PARVA: variants seen among roughly 807,000 people sequenced by gnomAD.
The protein encoded by PARVA is parvin alpha.
A neutral mutation model predicts 52.6 loss-of-function variants in PARVA; 25 were observed. The observed-to-expected ratio is 0.48, with a 90% CI of 0.35 to 0.66. The LOEUF (loss-of-function observed/expected upper bound fraction) is 0.66, where lower values mean the gene tolerates loss of function less well. Ranked by LOEUF, PARVA falls within the 30% of genes least tolerant of loss-of-function variation. The pLI is 0.01. For missense variants in PARVA, 373 were observed against 450.9 expected, an observed-to-expected ratio of 0.83 and a Z score of 1.56; for synonymous variants, 185 against 179.1, an observed-to-expected ratio of 1.03 and a Z score of -0.26.
At position 12,460,139 on chromosome 11, in the gene PARVA, A is replaced by T. The variant is rs77873802; in HGVS notation, c.137-13606A>T. Among the ~76,000 whole-genome samples, 10 of 152,320 alleles carry T rather than the reference A, an allele frequency of 6.6e-5. 1 individual carries two copies. In the East Asian group the frequency reaches 1.5e-3, roughly 23 times the overall value. ...GTATTTTCAGGCCTTTTTTAGAGAT[A>T]TGCATTGTGTTTGGGGAGCACTTCC... On this transcript the variant is annotated intron_variant, in intron 1 of 12. Transcript: ENST00000334956.
Position 12,533,161 on chromosome 11 carries a change from A to G in PARVA, c.*5236A>G, listed in dbSNP as rs1019256318. Among the ~76,000 whole-genome samples the G allele has an allele frequency of 2.0e-5, 3 of 152,120 alleles. No homozygotes were observed. Among genetic ancestry groups the G allele is most frequent in the Admixed American group, 1.3e-4 (2 of 15,276 alleles). On this transcript the variant is annotated 3_prime_UTR_variant, in exon 13 of 13. Transcript: ENST00000334956. Reference sequence around the variant, plus strand: ...CTGGACTACCCCCAGCCTCTCCACAATGTGTCCTGAGAAGAGCTAGGGGAA... The same window carrying G: ...CTGGACTACCCCCAGCCTCTCCACAGTGTGTCCTGAGAAGAGCTAGGGGAA...
chr11:12,445,370 A>G (rs1431609022), intron 1 of PARVA, among the ~76,000 whole-genome samples: 4 of 152,154 alleles, frequency 2.6e-5, no homozygotes, highest in East Asian at 3.9e-4. Flanking sequence ...GACAAGGCCA[A>G]TGACCTTTGA....
chr11:12,492,297 T>G (rs1941243776), intron 4 of PARVA, among the ~76,000 whole-genome samples: 1 of 152,184 alleles, frequency 6.6e-6, no homozygotes, highest in African/African-American at 2.4e-5. Context: ...ATAATCCACC[T>G]GAGAAAATTT....
chr11:12,457,321 C>T (rs929220286), intron 1 of PARVA, among the ~76,000 whole-genome samples: 1 of 152,198 alleles, frequency 6.6e-6, no homozygotes, highest in Non-Finnish European at 1.5e-5. Flanking sequence ...AATCAGGGTG[C>T]TGCAATGGGT....
At chr11:12,437,676 C>G (rs573212928) in intron 1 of PARVA, among the ~76,000 whole-genome samples, 70 of 152,254 alleles carry the variant, frequency 4.6e-4, no homozygotes, top group Non-Finnish European at 8.2e-4. Context: ...AAAAGAGCAT[C>G]AAGGCTGTGC....
chr11:12,447,647 T>C (rs748733348), intron 1 of PARVA, among the ~76,000 whole-genome samples: 2 of 152,262 alleles, frequency 1.3e-5, no homozygotes, highest in Non-Finnish European at 2.9e-5. Flanking sequence ...ATTTTAATAG[T>C]AGAAAAAAAC....
upstream of PARVA, chr11:12,377,166 A>G (rs73409481): frequency 0.017 from 4,114 of 238,348 alleles, 153 homozygotes; most frequent in African/African-American, 0.086. Context: ...TGGGCGCAAG[A>G]CGTGGGCCTG....
chr11:12,457,950 C>G (rs1403689493), intron 1 of PARVA, among the ~76,000 whole-genome samples: 1 of 152,244 alleles, frequency 6.6e-6, no homozygotes, highest in Non-Finnish European at 1.5e-5. Context: ...TGGAGCTAGA[C>G]CAGAGTCGGC....
At chr11:12,455,983 T>TG (rs1204633766) in intron 1 of PARVA, among the ~76,000 whole-genome samples, 1 of 152,246 alleles carries the variant, frequency 6.6e-6, no homozygotes, top group Non-Finnish European at 1.5e-5. Flanking sequence ...AAGCATTGTG[T>TG]GGGGCTTTTC....
At chr11:12,513,921 G>A (rs566508015) in intron 9 of PARVA, 76 bp from the exon 10 acceptor site, 111 of 1,352,278 alleles carry the variant, frequency 8.2e-5, no homozygotes, top group African/African-American at 5.2e-4. Flanking sequence ...TTGCCCTCAC[G>A]GGAGTCACGG....
upstream of PARVA, chr11:12,376,674 G>A (rs1589932344): frequency 2.1e-6 from 2 of 950,140 alleles, no homozygotes; most frequent in Non-Finnish European, 2.5e-6. Context: ...CCAAGGTGCT[G>A]TGAGTCTGTG....
chr11:12,402,676 A>G (rs1939846401), intron 1 of PARVA, among the ~76,000 whole-genome samples: 1 of 152,230 alleles, frequency 6.6e-6, no homozygotes, highest in Non-Finnish European at 1.5e-5. Flanking sequence ...TGTCTGACCC[A>G]TAGTAGGCTC....
chr11:12,462,621 G>T (rs1211688701), intron 1 of PARVA, among the ~76,000 whole-genome samples: 2 of 152,194 alleles, frequency 1.3e-5, no homozygotes, highest in African/African-American at 2.4e-5. Flanking sequence ...CGCAAAGTTT[G>T]TGATTTGCTA....
Position 12,534,024 on chromosome 11 carries a change from C to T in PARVA, c.*6099C>T, listed in dbSNP as rs1156431624. Among the ~76,000 whole-genome samples the T allele has an allele frequency of 6.6e-6, 1 of 152,006 alleles. No homozygotes were observed. The highest frequency in any genetic ancestry group is 2.4e-5 in the African/African-American group (1 of 41,356). On this transcript the variant is annotated 3_prime_UTR_variant, in exon 13 of 13. Transcript: ENST00000334956. ...TGTACTAAAAATACAAAAAATTAGCCAGGTGTGGTGGTGCGTGCCTGTAAT... is the reference window on the plus strand; with the variant it reads ...TGTACTAAAAATACAAAAAATTAGCTAGGTGTGGTGGTGCGTGCCTGTAAT...
At chr11:12,519,389 G>A (rs1941610283) in intron 12 of PARVA, among the ~76,000 whole-genome samples, 1 of 152,156 alleles carries the variant, frequency 6.6e-6, no homozygotes, top group Admixed American at 6.5e-5. Flanking sequence ...AGACCCTGTA[G>A]ACCATGATAT....
intron 1 of PARVA, among the ~76,000 whole-genome samples, chr11:12,462,986 T>C (rs769434296): frequency 2.0e-5 from 3 of 152,064 alleles, no homozygotes; most frequent in Non-Finnish European, 4.4e-5. Context: ...GGAGGAAACA[T>C]TCGTGTCTCA....
intron 1 of PARVA, among the ~76,000 whole-genome samples, chr11:12,449,339 TA>T (rs1226339329): frequency 3.3e-5 from 5 of 151,970 alleles, no homozygotes; most frequent in Admixed American, 1.3e-4. Flanking sequence ...TGTATTTTTG[TA>T]AAGACAGGGT....
intron 10 of PARVA, among the ~76,000 whole-genome samples, chr11:12,515,273 T>G (rs1361927541): frequency 6.6e-6 from 1 of 152,234 alleles, no homozygotes; most frequent in African/African-American, 2.4e-5. Flanking sequence ...AGCTTCTGCC[T>G]TATACTTCTC....
At chr11:12,437,353 C>G (rs985947711) in intron 1 of PARVA, among the ~76,000 whole-genome samples, 2 of 152,218 alleles carry the variant, frequency 1.3e-5, no homozygotes, top group East Asian at 1.9e-4. Flanking sequence ...TTCCAGGAAG[C>G]CTTCTCTTCC....
Sources: allele counts gnomAD v4.1 joint callset (sites outside exome capture counted in the v4.1 genomes callset), GRCh38; gene constraint gnomAD v4.1.1; transcripts MANE v1.5; gene names NCBI Gene and HGNC (gene_info 2026-07-23, HGNC 2026-07-21).